PRLR: variants seen among roughly 807,000 people sequenced by gnomAD.
PRLR encodes the protein prolactin receptor.
In PRLR, 13 loss-of-function variants were observed where a neutral mutation model predicts 40.2. That is an observed-to-expected ratio of 0.32 (90% confidence interval 0.21 to 0.51). The LOEUF is 0.51. Among genes scored for constraint, PRLR ranks in the 20% least tolerant of loss-of-function variants. The pLI is 0.97. For missense variants in PRLR, 656 were observed against 747.3 expected (o/e 0.88, Z 1.42); for synonymous variants, 269 against 278.7 (o/e 0.97, Z 0.35).
At chr5:35,189,714 A>C (rs1198278064) in intron 1 of PRLR, among the ~76,000 whole-genome samples, 3 of 152,084 alleles carry the variant, frequency 2.0e-5, no homozygotes, top group East Asian at 3.9e-4. Flanking sequence ...GGTTCTTTGC[A>C]CCTCATTTAG....
intron 2 of PRLR, among the ~76,000 whole-genome samples, chr5:35,113,429 C>T (rs1772809628): frequency 6.8e-6 from 1 of 146,916 alleles, no homozygotes; most frequent in Non-Finnish European, 1.5e-5. Flanking sequence ...ATCCACCCAT[C>T]CATCCACCCA....
chr5:35,187,411 A>G (rs892229928), intron 1 of PRLR, among the ~76,000 whole-genome samples: 5 of 151,746 alleles, frequency 3.3e-5, no homozygotes, highest in Non-Finnish European at 5.9e-5. Flanking sequence ...AAAAAAAAAA[A>G]AAGAAGAAGA....
At chr5:35,215,963 A>G (rs1776277230) in intron 1 of PRLR, among the ~76,000 whole-genome samples, 1 of 151,446 alleles carries the variant, frequency 6.6e-6, no homozygotes, top group Admixed American at 6.6e-5. Flanking sequence ...GCTTGAACGC[A>G]GGAGGCAGAG....
intron 1 of PRLR, among the ~76,000 whole-genome samples, chr5:35,194,022 G>C (rs965510270): frequency 1.3e-5 from 2 of 152,162 alleles, no homozygotes; most frequent in Non-Finnish European, 2.9e-5. Flanking sequence ...TGGCAAAGTG[G>C]TGAATTCCTG....
intron 1 of PRLR, among the ~76,000 whole-genome samples, chr5:35,177,755 G>T (rs1775187439): frequency 6.6e-6 from 1 of 152,166 alleles, no homozygotes; most frequent in Non-Finnish European, 1.5e-5. Context: ...AGTGTGAATA[G>T]GGCTGCTATA....
At chr5:35,086,458 G>T in intron 3 of PRLR, 118 bp from the exon 4 acceptor site, 2 of 1,271,236 alleles carry the variant, frequency 1.6e-6, no homozygotes, top group Non-Finnish European at 2.2e-6. Context: ...TCAGGCTGAG[G>T]AGACCTAGGG....
At chr5:35,069,959 A>G (rs1022782937) in intron 7 of PRLR, among the ~76,000 whole-genome samples, 165 bp downstream of exon 7, 2 of 152,244 alleles carry the variant, frequency 1.3e-5, no homozygotes, top group East Asian at 3.8e-4. Context: ...CCAGGGTGCA[A>G]TGCTGCTTTT....
intron 1 of PRLR, among the ~76,000 whole-genome samples, chr5:35,228,845 G>A (rs1379469290): frequency 6.6e-6 from 1 of 152,044 alleles, no homozygotes; most frequent in East Asian, 1.9e-4. Context: ...GCAAGGAGTT[G>A]GCTGGGTGGT....
At chr5:35,087,907 G>A (rs1053632796) in intron 3 of PRLR, among the ~76,000 whole-genome samples, 5 of 152,168 alleles carry the variant, frequency 3.3e-5, no homozygotes, top group African/African-American at 4.8e-5. Context: ...CTAGCATTGA[G>A]TTTAGGATAT....
intron 1 of PRLR, among the ~76,000 whole-genome samples, chr5:35,137,161 TAACA>T (rs1773883910): frequency 6.6e-6 from 1 of 152,198 alleles, no homozygotes; most frequent in South Asian, 2.1e-4. Context: ...GACTCAGAGA[TAACA>T]ATAGACATTA....
intron 1 of PRLR, among the ~76,000 whole-genome samples, chr5:35,223,025 C>T (rs920996611): frequency 2.0e-5 from 3 of 152,176 alleles, no homozygotes; most frequent in Non-Finnish European, 2.9e-5. Context: ...TAGGACACCC[C>T]CAAAGTACAC....
intron 1 of PRLR, among the ~76,000 whole-genome samples, chr5:35,126,005 T>C (rs1322414713): frequency 6.6e-6 from 1 of 152,144 alleles, no homozygotes; most frequent in Non-Finnish European, 1.5e-5. Flanking sequence ...GACACTTCTG[T>C]TTTTCAATCT....
chr5:35,219,829 T>C (rs1477700253), intron 1 of PRLR, among the ~76,000 whole-genome samples: 1 of 152,238 alleles, frequency 6.6e-6, no homozygotes, highest in Non-Finnish European at 1.5e-5. Flanking sequence ...CTAATGTTTT[T>C]AAATAGCACT....
downstream of PRLR, among the ~76,000 whole-genome samples, chr5:35,054,332 C>T (rs1354478958): frequency 6.6e-6 from 1 of 152,150 alleles, no homozygotes; most frequent in Non-Finnish European, 1.5e-5. Context: ...GAAACTTTTG[C>T]ACATATTCCA....
chr5:35,229,215 T>C (rs191959490), intron 1 of PRLR, among the ~76,000 whole-genome samples: 3 of 151,758 alleles, frequency 2.0e-5, no homozygotes, highest in Admixed American at 2.0e-4. Context: ...TGCCCAAGTT[T>C]GCACAGCTGA....
intron 2 of PRLR, among the ~76,000 whole-genome samples, chr5:35,109,186 C>A (rs1236618646): frequency 1.3e-5 from 2 of 152,176 alleles, no homozygotes; most frequent in South Asian, 2.1e-4. Flanking sequence ...GAAACTGGAT[C>A]CCTTCCTTAC....
intron 1 of PRLR, among the ~76,000 whole-genome samples, chr5:35,226,257 C>T (rs1358515270): frequency 6.6e-6 from 1 of 152,196 alleles, no homozygotes; most frequent in Admixed American, 6.5e-5. Flanking sequence ...TATCTCAAAG[C>T]CCACATGCTG....
chr5:35,207,949 T>C (rs1776066605), intron 1 of PRLR, among the ~76,000 whole-genome samples: 1 of 152,086 alleles, frequency 6.6e-6, no homozygotes, highest in Non-Finnish European at 1.5e-5. Context: ...GCCCAAGAAT[T>C]GATATAGCAA....
intron 1 of PRLR, among the ~76,000 whole-genome samples, chr5:35,203,864 C>T (rs948351542): frequency 1.3e-5 from 2 of 151,848 alleles, no homozygotes; most frequent in African/African-American, 4.8e-5. Flanking sequence ...GTTGAGCTTT[C>T]CCTCATTGAA....
Sources: gnomAD v4.1 joint callset for allele counts (sites outside exome capture counted in the v4.1 genomes callset) on GRCh38, gnomAD v4.1.1 for gene constraint, MANE v1.5 for transcripts, NCBI Gene and HGNC (gene_info 2026-07-23, HGNC 2026-07-21) for gene names.